The following TMCO4 variants were observed in gnomAD, a reference collection of about 807,000 sequenced individuals.
TMCO4 encodes transmembrane and coiled-coil domains 4, also known as transmembrane and coiled-coil domain-containing protein 4.
Under a neutral mutation model 64.7 loss-of-function variants are expected in TMCO4, and 58 were observed. The ratio of observed to expected loss-of-function variants is 0.90; its 90% CI spans 0.73 to 1.12. TMCO4 has a LOEUF of 1.12. Among genes scored for constraint, TMCO4 ranks in the 50% most tolerant of loss-of-function variants. TMCO4 has a pLI of 0.00. For synonymous variants in TMCO4, 325 were observed against 346.1 expected, an observed-to-expected ratio of 0.94 and a Z score of 0.68; for missense variants, 780 against 825.9, an observed-to-expected ratio of 0.94 and a Z score of 0.68.
Position 19,747,254 on chromosome 1 carries a change from G to C in TMCO4, c.522C>G (p.Ala174=), listed in dbSNP as rs138797643. The change falls in exon 8 of 16, where the codon GCC becomes GCG. Residue 174 remains alanine (A), a synonymous_variant. Coordinates refer to ENST00000294543, the MANE Select transcript of TMCO4 (RefSeq NM_181719.7). ...KEIKEEESEM[A]EASRKKKENR... The stretch of plus-strand genomic sequence containing the variant: ...TTTCTTTCTTCTTTCGGGATGCCTC[G>C]GCCATTCTGAGGGAAAAGAGGCTGG... 6 of 1,613,002 alleles carry C rather than the reference G, an allele frequency of 3.7e-6. No homozygotes were observed. Among genetic ancestry groups the C allele is most frequent in the Non-Finnish European group, 5.1e-6 (6 of 1,179,796 alleles).
intron 2 of TMCO4, among the ~76,000 whole-genome samples, chr1:19,793,656 C>G (rs550960551): frequency 2.0e-5 from 3 of 152,124 alleles, no homozygotes; most frequent in Admixed American, 6.6e-5. Flanking sequence ...ACACTGCAGA[C>G]GAGAAGAAAA....
chr1:19,744,485 TG>T (rs1422561020), intron 10 of TMCO4, among the ~76,000 whole-genome samples: 1 of 152,196 alleles, frequency 6.6e-6, no homozygotes, highest in Non-Finnish European at 1.5e-5. Context: ...GCTGAGGTCA[TG>T]TAGCCAACAC....
intron 6 of TMCO4, among the ~76,000 whole-genome samples, chr1:19,768,466 C>T (rs1197014142): frequency 1.3e-5 from 2 of 152,176 alleles, no homozygotes; most frequent in African/African-American, 2.4e-5. Flanking sequence ...TATATGACAA[C>T]TCCTGAGACT....
At chr1:19,764,801 G>T (rs1409455157) in intron 6 of TMCO4, among the ~76,000 whole-genome samples, 1 of 135,428 alleles carries the variant, frequency 7.4e-6, no homozygotes, top group African/African-American at 2.9e-5. Flanking sequence ...GTTGCAGTGA[G>T]CCAAGATTGC....
chr1:19,792,706 T>C (rs1166768215), intron 2 of TMCO4, among the ~76,000 whole-genome samples: 1 of 151,146 alleles, frequency 6.6e-6, no homozygotes, highest in African/African-American at 2.4e-5. Context: ...TTTCTTTACA[T>C]GCCAGCCAGC....
intron 6 of TMCO4, among the ~76,000 whole-genome samples, chr1:19,768,868 T>C (rs61768318): frequency 0.12 from 17,811 of 152,176 alleles, 1,140 homozygotes; most frequent in Non-Finnish European, 0.13. Context: ...GCAGTGCCGA[T>C]GCTGCTGGGT....
Position 19,691,889 on chromosome 1 carries a change from C to T in TMCO4, c.1500+2545G>A, listed in dbSNP as rs3748750. On this transcript the variant is annotated intron_variant, in intron 15 of 15. Coordinates refer to ENST00000294543, the MANE Select transcript of TMCO4 (RefSeq NM_181719.7). ...CAACCTGTTCTCATGGTAGTGAATA[C>T]GTCTCCTGAGATCCAATGGTTTTAT... Among the ~76,000 whole-genome samples the T allele has an allele frequency of 1.2e-3, 185 of 152,282 alleles. 2 individuals carry two copies. In the East Asian group the frequency reaches 0.021, roughly 17 times the overall value.
intron 14 of TMCO4, among the ~76,000 whole-genome samples, chr1:19,697,521 C>T (rs934903986): frequency 1.3e-5 from 2 of 152,164 alleles, no homozygotes; most frequent in African/African-American, 4.8e-5. Flanking sequence ...GCAGCCTCTG[C>T]CTCCTAGGGT....
At chr1:19,689,029 G>A (rs780583100) in intron 15 of TMCO4, among the ~76,000 whole-genome samples, 11 of 152,224 alleles carry the variant, frequency 7.2e-5, no homozygotes, top group Middle Eastern at 3.4e-3. Flanking sequence ...CCAGAGATGC[G>A]CCCTGCCTGC....
At chr1:19,747,737 C>T (rs145519648) in intron 7 of TMCO4, among the ~76,000 whole-genome samples, 1 of 152,222 alleles carries the variant, frequency 6.6e-6, no homozygotes, top group East Asian at 1.9e-4. Flanking sequence ...GGCCTTGGAG[C>T]AGTAGCTAGA....
intron 14 of TMCO4, among the ~76,000 whole-genome samples, chr1:19,697,540 C>T (rs577588744): frequency 6.6e-6 from 1 of 151,572 alleles, no homozygotes; most frequent in African/African-American, 2.4e-5. Context: ...GTCAAGCCAT[C>T]CTCCCATCTC....
chr1:19,755,690 A>AT lies in TMCO4; in HGVS notation c.458dup (p.Asp153GlufsTer4), dbSNP rs1024148692. ...TCTCCAGGAACATCTCTTCAAGGAC[A>AT]TCCAGCTCCTCCAAGGGCACTTGGA... On this transcript the variant is annotated frameshift_variant, in exon 7 of 16. Transcript: ENST00000294543. LOFTEE classifies it high-confidence loss of function. The AT allele has an allele frequency of 6.2e-7, 1 of 1,614,140 alleles. No homozygotes were observed. Among genetic ancestry groups the AT allele is most frequent in the Non-Finnish European group, 8.5e-7 (1 of 1,180,030 alleles).
At chr1:19,694,648 AATGGAGCTTCTGGGGG>A in intron 14 of TMCO4, 97 bp from the exon 15 acceptor site, 1 of 1,122,940 alleles carries the variant, frequency 8.9e-7, no homozygotes, top group Non-Finnish European at 1.3e-6. Flanking sequence ...GCCAGGTGGG[AATGGAGCTTCTGGGGG>A]AAAACAGGGC....
chr1:19,722,917 G>A (rs1416605738), intron 13 of TMCO4, among the ~76,000 whole-genome samples: 1 of 152,014 alleles, frequency 6.6e-6, no homozygotes, highest in Non-Finnish European at 1.5e-5. Context: ...TTCTTCCCAG[G>A]CCTCCTCCTA....
At chr1:19,795,268 C>T (rs889001992) in intron 2 of TMCO4, among the ~76,000 whole-genome samples, 6 of 151,802 alleles carry the variant, frequency 4.0e-5, no homozygotes, top group East Asian at 1.9e-4. Context: ...GTCAGGAGTT[C>T]GAGACTACCT....
At chr1:19,758,798 G>A (rs1425492502) in intron 6 of TMCO4, among the ~76,000 whole-genome samples, 3 of 152,148 alleles carry the variant, frequency 2.0e-5, no homozygotes, top group African/African-American at 7.2e-5. Flanking sequence ...CTGTCCCAAT[G>A]AAAGGTGCCC....
At position 19,682,381 on chromosome 1, in the gene TMCO4, G is replaced by A. The variant is rs1001216814; in HGVS notation, c.*659C>T. 1.5e-5 allele frequency: 8 copies of A among 524,218 alleles called. No individual in the cohort carries two copies. The highest frequency in any genetic ancestry group is 4.9e-4 in the Middle Eastern group (1 of 2,038). The allele number at this position is 524,218 out of a possible 1,614,324, so 32.5% of individuals were successfully genotyped here. ...ATTCAGCATGTATTCACCATGCTCTGTTAGTGGTGTCCAGATGTTGCATGA... is the reference window on the plus strand; with the variant it reads ...ATTCAGCATGTATTCACCATGCTCTATTAGTGGTGTCCAGATGTTGCATGA... On this transcript the variant is annotated 3_prime_UTR_variant, in exon 16 of 16. Transcript: ENST00000294543.
rs562762844 is a variant in TMCO4, at chr1:19,733,171, G to A, written c.1264+4201C>T. On this transcript the variant is annotated intron_variant, in intron 13 of 15. Coordinates refer to ENST00000294543, the MANE Select transcript of TMCO4 (RefSeq NM_181719.7). ...AATCCCAGCTACTTGGGAGGCTGAG[G>A]CAGGAGAATTGCTTGAACCTGGGAG... Among the ~76,000 whole-genome samples, 119 of 152,246 alleles carry A rather than the reference G, an allele frequency of 7.8e-4. 1 individual carries two copies. The Middle Eastern group carries it at 0.01, about 13-fold the overall frequency.
intron 13 of TMCO4, among the ~76,000 whole-genome samples, chr1:19,704,373 T>C (rs1463138666): frequency 6.6e-6 from 1 of 152,192 alleles, no homozygotes; most frequent in Non-Finnish European, 1.5e-5. Context: ...GCGATTTCCC[T>C]TGGAAGACGA....
Sources: allele counts gnomAD v4.1 joint callset (sites outside exome capture counted in the v4.1 genomes callset), GRCh38; gene constraint gnomAD v4.1.1; transcripts MANE v1.5; gene names NCBI Gene and HGNC (gene_info 2026-07-23, HGNC 2026-07-21).